The following AOPEP variants were observed in gnomAD, a reference collection of about 807,000 sequenced individuals.
AOPEP encodes aminopeptidase O (putative).
A neutral mutation model predicts 98.1 loss-of-function variants in AOPEP; 77 were observed. That is an observed-to-expected ratio of 0.78 (90% CI 0.65 to 0.95). The LOEUF is 0.95. Ranked by LOEUF, AOPEP falls within the 40% of genes least tolerant of loss-of-function variation. The pLI, the probability that AOPEP is intolerant of heterozygous loss-of-function variation, is 0.00. For missense variants in AOPEP, 1,024 were observed against 1,024.7 expected (o/e 1.00, Z 0.01); for synonymous variants, 346 against 365.3 (o/e 0.95, Z 0.60).
At chr9:94,767,234 A>C (rs1300605351) in intron 2 of AOPEP, among the ~76,000 whole-genome samples, 3 of 152,214 alleles carry the variant, frequency 2.0e-5, no homozygotes, top group Admixed American at 6.5e-5. Context: ...AGTCGGAATC[A>C]TGAGTGAAAA....
chr9:95,009,297 T>TAA, intron 13 of AOPEP, among the ~76,000 whole-genome samples: 1 of 151,858 alleles, frequency 6.6e-6, no homozygotes, highest in South Asian at 2.1e-4. Context: ...TATATACATA[T>TAA]AATATAAAGA....
the AOPEP span, among the ~76,000 whole-genome samples, chr9:95,121,539 C>T: frequency 6.6e-6 from 1 of 152,188 alleles, no homozygotes; most frequent in African/African-American, 2.4e-5. Context: ...CCCAGAGTGT[C>T]CAGAGCAACA....
the AOPEP span, among the ~76,000 whole-genome samples, chr9:95,121,341 G>C: frequency 6.6e-6 from 1 of 152,148 alleles, no homozygotes; most frequent in Non-Finnish European, 1.5e-5. Flanking sequence ...CAAGAGGAAA[G>C]GGTAAGAAGA....
rs111645123 is a variant in AOPEP, at chr9:94,749,841, G to A, written c.-135-9808G>A. Among the ~76,000 whole-genome samples the A allele has an allele frequency of 4.0e-3, 605 of 152,152 alleles. 2 individuals carry two copies. The highest frequency in any genetic ancestry group is 5.8e-3 in the Non-Finnish European group (395 of 67,994). ...TTTATCTGTTAATTCTAATATTTGG[G>A]TCCATTCAAGTTGGTCTCTACTAAT... On this transcript the variant is annotated intron_variant, in intron 1 of 16. Coordinates refer to ENST00000375315, the MANE Select transcript of AOPEP (RefSeq NM_001193329.3).
chr9:94,879,976 A>T (rs899771888), intron 5 of AOPEP, among the ~76,000 whole-genome samples: 5 of 152,248 alleles, frequency 3.3e-5, no homozygotes, highest in Admixed American at 6.5e-5. Context: ...TCCACGCTTA[A>T]CATTGAATTT....
intron 5 of AOPEP, chr9:94,904,248 C>A (rs2050829126): frequency 6.6e-6 from 1 of 152,202 alleles, no homozygotes; most frequent in Admixed American, 6.5e-5. Context: ...ATACATGATA[C>A]TAGAAATCCT....
At chr9:94,847,121 C>A (rs986915536) in intron 5 of AOPEP, among the ~76,000 whole-genome samples, 7 of 145,258 alleles carry the variant, frequency 4.8e-5, no homozygotes, top group Admixed American at 1.4e-4. Context: ...TTGGTGGTTC[C>A]CTTTGTACAC....
At chr9:95,039,051 G>T (rs2065069652) in intron 13 of AOPEP, among the ~76,000 whole-genome samples, 2 of 152,158 alleles carry the variant, frequency 1.3e-5, no homozygotes, top group South Asian at 2.1e-4. Context: ...TTGAAAGAGG[G>T]TTATTGTGGG....
intron 6 of AOPEP, among the ~76,000 whole-genome samples, chr9:94,927,965 A>C (rs1344071395): frequency 6.6e-6 from 1 of 152,220 alleles, no homozygotes; most frequent in African/African-American, 2.4e-5. Context: ...AGTTATGTGC[A>C]CACAGAATCA....
the AOPEP span, among the ~76,000 whole-genome samples, chr9:95,141,468 A>G: frequency 1.6e-4 from 25 of 151,950 alleles, no homozygotes; most frequent in Admixed American, 1.1e-3. Context: ...TTGTTTAAAC[A>G]CTCACCTATA....
At chr9:94,971,477 C>T (rs900900442) in intron 10 of AOPEP, among the ~76,000 whole-genome samples, 1 of 152,122 alleles carries the variant, frequency 6.6e-6, no homozygotes, top group Non-Finnish European at 1.5e-5. Context: ...ATTAGTTATG[C>T]GACATATTGT....
the AOPEP span, among the ~76,000 whole-genome samples, chr9:95,134,652 T>C: frequency 1.6e-4 from 24 of 152,266 alleles, no homozygotes; most frequent in African/African-American, 5.8e-4. Flanking sequence ...TTGGTCTTTA[T>C]TCCTGTCCTT....
At chr9:94,742,668 C>T (rs1030933983) in intron 1 of AOPEP, among the ~76,000 whole-genome samples, 3 of 152,138 alleles carry the variant, frequency 2.0e-5, no homozygotes, top group South Asian at 2.1e-4. Flanking sequence ...CTCCTGACCA[C>T]GTGATCCGCC....
chr9:95,006,163 C>G (rs1440056984), intron 13 of AOPEP: 1 of 457,620 alleles, frequency 2.2e-6, no homozygotes, highest in South Asian at 1.6e-5. Flanking sequence ...GACTGCCTGT[C>G]TTTTGATTTT....
intron 13 of AOPEP, among the ~76,000 whole-genome samples, chr9:95,030,639 T>G (rs949231177): frequency 1.3e-5 from 2 of 152,206 alleles, no homozygotes; most frequent in Admixed American, 6.5e-5. Flanking sequence ...GCCAGTGATG[T>G]AAAAACTGGC....
chr9:94,847,152 A>ACACACACACT (rs1448564968), intron 5 of AOPEP, among the ~76,000 whole-genome samples: 4,146 of 140,466 alleles, frequency 0.03, 114 homozygotes, highest in African/African-American at 0.061. Context: ...ACACACACAC[A>ACACACACACT]CTCTCTCTGT....
At chr9:94,907,462 G>A (rs926467170) in intron 5 of AOPEP, among the ~76,000 whole-genome samples, 3 of 152,126 alleles carry the variant, frequency 2.0e-5, no homozygotes, top group Non-Finnish European at 4.4e-5. Flanking sequence ...GCCAGGAGAA[G>A]GCTGGCTGGG....
At chr9:94,761,063 A>G (rs41281174) in intron 2 of AOPEP, among the ~76,000 whole-genome samples, 9,948 of 152,176 alleles carry the variant, frequency 0.065, 1,076 homozygotes, top group African/African-American at 0.23. Flanking sequence ...GTACTTGTCT[A>G]TTGGCAGCTA....
chr9:95,054,237 C>G (rs186996155), intron 13 of AOPEP, among the ~76,000 whole-genome samples: 16 of 152,076 alleles, frequency 1.1e-4, no homozygotes, highest in Non-Finnish European at 1.6e-4. Flanking sequence ...AAGCATAGAT[C>G]AGGAATGTTT....
Sources: gnomAD v4.1 joint callset for allele counts (sites outside exome capture counted in the v4.1 genomes callset) on GRCh38, gnomAD v4.1.1 for gene constraint, MANE v1.5 for transcripts, NCBI Gene and HGNC (gene_info 2026-07-23, HGNC 2026-07-21) for gene names.